The following PTPRD variants were observed in gnomAD, a reference collection of about 807,000 sequenced individuals.
The protein encoded by PTPRD is protein tyrosine phosphatase receptor type D, also known as receptor-type tyrosine-protein phosphatase delta.
A neutral mutation model predicts 214.5 loss-of-function variants in PTPRD; 34 were observed. The ratio of observed to expected loss-of-function variants is 0.16; its 90% CI spans 0.12 to 0.21. The LOEUF (loss-of-function observed/expected upper bound fraction) is 0.21, where lower values mean the gene tolerates loss of function less well. PTPRD is among the 10% of genes least tolerant of loss of function. The pLI, the probability that PTPRD is intolerant of heterozygous loss-of-function variation, is 1.00. For missense variants in PTPRD, 2,545 were observed against 2,398.7 expected (o/e 1.06, Z -1.27); for synonymous variants, 1,128 against 845.7 (o/e 1.33, Z -5.79).
chr9:8,793,080 C>T (rs1197715342), intron 11 of PTPRD, among the ~76,000 whole-genome samples: 2 of 152,202 alleles, frequency 1.3e-5, no homozygotes, highest in African/African-American at 2.4e-5. Flanking sequence ...ATGACTCGTA[C>T]CTGGGTAGCC....
At chr9:8,615,595 T>C (rs1342763693) in intron 14 of PTPRD, among the ~76,000 whole-genome samples, 1 of 152,040 alleles carries the variant, frequency 6.6e-6, no homozygotes, top group African/African-American at 2.4e-5. Flanking sequence ...AGGGTAAAAA[T>C]GTCTAATAAG....
intron 9 of PTPRD, among the ~76,000 whole-genome samples, chr9:9,263,071 A>T (rs968505984): frequency 1.7e-4 from 26 of 151,818 alleles, no homozygotes; most frequent in Non-Finnish European, 3.0e-5. Context: ...GGGTAAAAAA[A>T]TTAATTTATC....
At chr9:8,420,370 G>A (rs190595713) in intron 35 of PTPRD, among the ~76,000 whole-genome samples, 3 of 152,094 alleles carry the variant, frequency 2.0e-5, no homozygotes, top group Non-Finnish European at 2.9e-5. Context: ...TGTTTCTTAG[G>A]TAGCTAAAAT....
At chr9:10,408,666 C>G (rs1464839998) in intron 2 of PTPRD, among the ~76,000 whole-genome samples, 1 of 151,696 alleles carries the variant, frequency 6.6e-6, no homozygotes, top group African/African-American at 2.4e-5. Context: ...AGAAAAGTGG[C>G]AGGCATGACT....
intron 5 of PTPRD, among the ~76,000 whole-genome samples, chr9:9,917,278 A>C (rs1327363203): frequency 2.1e-5 from 3 of 145,310 alleles, no homozygotes; most frequent in Non-Finnish European, 4.5e-5. Flanking sequence ...GAGAAGATGA[A>C]ATTGACAAGC....
intron 2 of PTPRD, among the ~76,000 whole-genome samples, chr9:10,448,961 T>C (rs1449050330): frequency 1.3e-5 from 2 of 152,082 alleles, no homozygotes; most frequent in East Asian, 3.9e-4. Flanking sequence ...AAAATAGCAG[T>C]TATTCATATC....
intron 11 of PTPRD, among the ~76,000 whole-genome samples, chr9:8,829,293 T>C (rs150131468): frequency 6.6e-6 from 1 of 152,212 alleles, no homozygotes; most frequent in Non-Finnish European, 1.5e-5. Flanking sequence ...CACTCCCAGC[T>C]CCCTTCCATC....
chr9:9,447,829 C>T (rs2090955729), intron 8 of PTPRD, among the ~76,000 whole-genome samples: 1 of 151,996 alleles, frequency 6.6e-6, no homozygotes, highest in South Asian at 2.1e-4. Context: ...AGTCTGAAGA[C>T]ACTGACGTAG....
intron 8 of PTPRD, among the ~76,000 whole-genome samples, chr9:9,555,401 T>C (rs1021482019): frequency 4.6e-5 from 7 of 152,108 alleles, no homozygotes; most frequent in African/African-American, 9.7e-5. Context: ...CTGGTGTTTA[T>C]AGAGTTAGAC....
At chr9:9,347,233 C>T (rs1284997422) in intron 9 of PTPRD, among the ~76,000 whole-genome samples, 1 of 147,812 alleles carries the variant, frequency 6.8e-6, no homozygotes, top group Non-Finnish European at 1.5e-5. Flanking sequence ...CACATGAACT[C>T]TGTTGCATAT....
intron 12 of PTPRD, among the ~76,000 whole-genome samples, chr9:8,663,651 C>G (rs2097111934): frequency 6.6e-6 from 1 of 151,932 alleles, no homozygotes; most frequent in Admixed American, 6.6e-5. Context: ...ACCACCACAC[C>G]CGGCTAATTT....
chr9:9,327,200 G>T (rs2040312190), intron 9 of PTPRD, among the ~76,000 whole-genome samples: 2 of 152,030 alleles, frequency 1.3e-5, no homozygotes, highest in African/African-American at 4.8e-5. Context: ...GAAGCAAAAA[G>T]ATTAAAAAAG....
At chr9:8,849,626 G>T (rs1220103861) in intron 11 of PTPRD, among the ~76,000 whole-genome samples, 4 of 152,172 alleles carry the variant, frequency 2.6e-5, no homozygotes, top group Non-Finnish European at 4.4e-5. Flanking sequence ...TACAAGTGAG[G>T]ACAGCTGGTA....
At chr9:10,033,871 T>C (rs1445804658) in intron 3 of PTPRD, 81 bp from the exon 4 acceptor site, 1 of 151,852 alleles carries the variant, frequency 6.6e-6, no homozygotes, top group Non-Finnish European at 1.5e-5. Context: ...ATTGATCAGA[T>C]AAAAAAGGAA....
intron 9 of PTPRD, among the ~76,000 whole-genome samples, chr9:9,289,799 C>T (rs1043312862): frequency 6.6e-6 from 1 of 151,714 alleles, no homozygotes; most frequent in Non-Finnish European, 1.5e-5. Flanking sequence ...TTTACTTCTT[C>T]TTAAAGGCTG....
chr9:8,818,987 C>T (rs1346746284), intron 11 of PTPRD, among the ~76,000 whole-genome samples: 2 of 152,232 alleles, frequency 1.3e-5, no homozygotes, highest in South Asian at 2.1e-4. Flanking sequence ...CTACTAGTTG[C>T]AATGTTCGAC....
intron 11 of PTPRD, among the ~76,000 whole-genome samples, chr9:8,745,572 G>C (rs2092700628): frequency 6.6e-6 from 1 of 152,086 alleles, no homozygotes; most frequent in Admixed American, 6.5e-5. Context: ...ATTTTCTAAA[G>C]GGTCAATCTT....
At chr9:9,186,661 TCTCTCA>T (rs1396136862) in intron 9 of PTPRD, among the ~76,000 whole-genome samples, 6 of 121,234 alleles carry the variant, frequency 4.9e-5, no homozygotes, top group South Asian at 2.8e-4. Context: ...TCTCTCTCTC[TCTCTCA>T]CACACACACA....
chr9:8,672,542 T>G (rs1280094734), intron 12 of PTPRD, among the ~76,000 whole-genome samples: 1 of 152,162 alleles, frequency 6.6e-6, no homozygotes, highest in Non-Finnish European at 1.5e-5. Flanking sequence ...TAACTCTACC[T>G]TCTTATAATT....
Sources: allele counts gnomAD v4.1 joint callset (sites outside exome capture counted in the v4.1 genomes callset), GRCh38; gene constraint gnomAD v4.1.1; transcripts MANE v1.5; gene names NCBI Gene and HGNC (gene_info 2026-07-23, HGNC 2026-07-21).